The following VPS13A variants were observed in gnomAD, a reference collection of about 807,000 sequenced individuals.
The protein encoded by VPS13A is intermembrane lipid transfer protein VPS13A.
Under a neutral mutation model 390.9 loss-of-function variants are expected in VPS13A, and 264 were observed. That is an observed-to-expected ratio of 0.68 (90% CI 0.61 to 0.75). The LOEUF is 0.75. Ranked by LOEUF, VPS13A falls within the 30% of genes least tolerant of loss-of-function variation. VPS13A has a pLI of 0.00. For missense variants in VPS13A, 3,409 were observed against 3,733.9 expected (o/e 0.91, Z 2.27); for synonymous variants, 1,231 against 1,227.1 (o/e 1.00, Z -0.07).
chr9:77,324,637 G>C (rs1367491611), intron 45 of VPS13A, among the ~76,000 whole-genome samples: 1 of 152,120 alleles, frequency 6.6e-6, no homozygotes. Context: ...GTTGGATTTT[G>C]CATTTATATT....
rs45463897 is a variant in VPS13A, at chr9:77,178,004, G to T, written c.100+200G>T. 70,738 of 563,760 alleles carry T rather than the reference G, an allele frequency of 0.13. 5,397 individuals carry two copies. Among genetic ancestry groups the T allele is most frequent in the Middle Eastern group, 0.18 (374 of 2,052 alleles). 34.9% of individuals were successfully genotyped at this position (563,760 alleles called of 1,614,324 possible). A position where few individuals can be genotyped will look rare whatever the true frequency, so the allele number is the denominator to read the frequency against. ...CCGCCCTCGAGTTGTTTATATTTTG[G>T]GGGAAAGGAGAGGGTCATGAGTGCG... On this transcript the variant is annotated intron_variant, in intron 1 of 71. Coordinates refer to ENST00000360280, the MANE Select transcript of VPS13A (RefSeq NM_033305.3).
chr9:77,327,137 C>T (rs1830056347), intron 45 of VPS13A, among the ~76,000 whole-genome samples: 2 of 152,110 alleles, frequency 1.3e-5, no homozygotes, highest in Non-Finnish European at 2.9e-5. Flanking sequence ...TTGTTTTTCC[C>T]TTGTGCCGCC....
intron 16 of VPS13A, 59 bp from the exon 17 acceptor site, chr9:77,228,063 A>G (rs1823621351): frequency 8.0e-7 from 1 of 1,255,188 alleles, no homozygotes; most frequent in Admixed American, 2.7e-5. Flanking sequence ...CTATAAGAAT[A>G]TTTGTTATGC....
chr9:77,347,028 G>A lies in VPS13A; in HGVS notation c.7289+1886G>A, dbSNP rs530819169. 2.6e-5 allele frequency among the ~76,000 whole-genome samples: 4 copies of A among 152,272 alleles called. 1 individual carries two copies. In the South Asian group the frequency reaches 8.3e-4, roughly 32 times the overall value. On this transcript the variant is annotated intron_variant, in intron 52 of 71. Transcript: ENST00000360280. ...GCTTTATTTCTGGTTTCTCTATTCTGTTCCATTGGTCTGCATGCCTATTTT... is the reference window on the plus strand; with the variant it reads ...GCTTTATTTCTGGTTTCTCTATTCTATTCCATTGGTCTGCATGCCTATTTT...
intron 47 of VPS13A, chr9:77,338,003 T>C (rs1249811100): frequency 6.4e-6 from 1 of 156,370 alleles, no homozygotes; most frequent in Non-Finnish European, 1.4e-5. Context: ...TGAGACTAGG[T>C]TTCTCTCTGT....
chr9:77,351,380 T>TCA lies in VPS13A; in HGVS notation c.7354_7355insAC (p.Pro2452HisfsTer8). ...AAGCCGTGTTTTATACATGGGCTGA[T>TCA]CCGGTGGGCTCTAGAAGGCTGAAGT... On this transcript the variant is annotated frameshift_variant, in exon 53 of 72. Transcript: ENST00000360280. LOFTEE classifies it high-confidence loss of function. 1 of 1,614,082 alleles carries TCA rather than the reference T, an allele frequency of 6.2e-7. No homozygotes were observed. The highest frequency in any genetic ancestry group is 8.5e-7 in the Non-Finnish European group (1 of 1,179,952).
At chr9:77,262,982 G>C (rs1375382697) in intron 23 of VPS13A, among the ~76,000 whole-genome samples, 1 of 152,068 alleles carries the variant, frequency 6.6e-6, no homozygotes, top group Non-Finnish European at 1.5e-5. Flanking sequence ...TGGTATTTCT[G>C]GTTCTAGATC....
chr9:77,237,372 T>C (rs1452540950), intron 17 of VPS13A, among the ~76,000 whole-genome samples: 1 of 152,044 alleles, frequency 6.6e-6, no homozygotes, highest in Non-Finnish European at 1.5e-5. Context: ...ATTAAATTGT[T>C]TTATTTTTTT....
intron 6 of VPS13A, among the ~76,000 whole-genome samples, chr9:77,209,950 A>C (rs1036302717): frequency 2.0e-5 from 3 of 152,050 alleles, no homozygotes; most frequent in African/African-American, 7.2e-5. Flanking sequence ...CTATTTTGTT[A>C]GTCTTTTTTA....
intron 3 of VPS13A, among the ~76,000 whole-genome samples, chr9:77,202,213 C>T (rs1020180567): frequency 6.6e-6 from 1 of 152,038 alleles, no homozygotes; most frequent in Non-Finnish European, 1.5e-5. Context: ...CCATAGAAAA[C>T]TTTCATCATC....
chr9:77,329,847 G>T (rs957256519), intron 45 of VPS13A, among the ~76,000 whole-genome samples: 1 of 152,062 alleles, frequency 6.6e-6, no homozygotes, highest in African/African-American at 2.4e-5. Flanking sequence ...AATAAAATTT[G>T]CCCACAGTTA....
At chr9:77,286,595 G>A (rs994879203) in intron 31 of VPS13A, among the ~76,000 whole-genome samples, 1 of 152,160 alleles carries the variant, frequency 6.6e-6, no homozygotes, top group African/African-American at 2.4e-5. Flanking sequence ...TAGTATTGGT[G>A]TTGACAGTTC....
At chr9:77,407,765 A>G (rs1200040150) in intron 71 of VPS13A, 158 bp downstream of exon 71, 3 of 607,530 alleles carry the variant, frequency 4.9e-6, no homozygotes, top group African/African-American at 1.9e-5. Context: ...TAACCAGATA[A>G]TATTTACCCC....
intron 1 of VPS13A, among the ~76,000 whole-genome samples, chr9:77,197,396 C>G (rs1295976130): frequency 6.6e-6 from 1 of 152,186 alleles, no homozygotes; most frequent in Non-Finnish European, 1.5e-5. Flanking sequence ...ATCTGTTTCT[C>G]TCCTCAATTC....
chr9:77,209,576 A>G, intron 6 of VPS13A, 44 bp downstream of exon 6: 4 of 1,255,338 alleles, frequency 3.2e-6, no homozygotes, highest in Non-Finnish European at 4.5e-6. Context: ...ATTTATATGT[A>G]AGTTATTTTA....
intron 17 of VPS13A, among the ~76,000 whole-genome samples, chr9:77,232,817 C>T (rs1040960045): frequency 2.0e-5 from 3 of 152,068 alleles, no homozygotes; most frequent in Non-Finnish European, 2.9e-5. Context: ...GTCTCTCCCA[C>T]GACATGGGGG....
chr9:77,330,891 A>G (rs551339327), intron 45 of VPS13A, among the ~76,000 whole-genome samples: 81 of 152,192 alleles, frequency 5.3e-4, no homozygotes, highest in Admixed American at 2.5e-3. Flanking sequence ...TACGTTGTGT[A>G]TATTTCCAGT....
intron 28 of VPS13A, 77 bp downstream of exon 28, chr9:77,282,003 C>A: frequency 1.5e-6 from 2 of 1,366,652 alleles, no homozygotes; most frequent in Non-Finnish European, 2.0e-6. Flanking sequence ...TTGTAAGATC[C>A]TTAAAGATAA....
At chr9:77,343,947 A>C (rs1380501634) in intron 50 of VPS13A, among the ~76,000 whole-genome samples, 1 of 152,140 alleles carries the variant, frequency 6.6e-6, no homozygotes, top group Non-Finnish European at 1.5e-5. Context: ...TTTGCTATCC[A>C]CTGCTTCTTG....
Sources: gnomAD v4.1 joint callset for allele counts (sites outside exome capture counted in the v4.1 genomes callset) on GRCh38, gnomAD v4.1.1 for gene constraint, MANE v1.5 for transcripts, NCBI Gene and HGNC (gene_info 2026-07-23, HGNC 2026-07-21) for gene names.